Variants in BCAT1 observed in about 807,000 individuals in gnomAD.
BCAT1 encodes the protein branched-chain-amino-acid aminotransferase, cytosolic.
In BCAT1, 48 loss-of-function variants were observed where a neutral mutation model predicts 52.4. That is an observed-to-expected ratio of 0.92 (90% CI 0.73 to 1.16). BCAT1 has a LOEUF of 1.16. Among genes scored for constraint, BCAT1 ranks in the 50% most tolerant of loss-of-function variants. BCAT1 has a pLI of 0.00. For missense variants in BCAT1, 451 were observed against 457.1 expected (o/e 0.99, Z 0.12); for synonymous variants, 167 against 161.3 (o/e 1.04, Z -0.27).
chr12:24,868,277 A>G (rs937713147), intron 5 of BCAT1, among the ~76,000 whole-genome samples: 7 of 152,198 alleles, frequency 4.6e-5, no homozygotes, highest in African/African-American at 1.7e-4. Flanking sequence ...GACATTCTAT[A>G]TTAAATTCAG....
At chr12:24,899,870 A>T (rs1467855179) in intron 2 of BCAT1, among the ~76,000 whole-genome samples, 1 of 151,838 alleles carries the variant, frequency 6.6e-6, no homozygotes, top group Admixed American at 6.6e-5. Context: ...GGAAGAGAGT[A>T]CTCATAGAAT....
At chr12:24,866,041 G>A (rs908828247) in intron 5 of BCAT1, among the ~76,000 whole-genome samples, 6 of 152,246 alleles carry the variant, frequency 3.9e-5, no homozygotes, top group Admixed American at 2.6e-4. Context: ...GCCAAGGCCG[G>A]AGCTGGCTCC....
At position 24,894,457 on chromosome 12, in the gene BCAT1, T is replaced by C; in HGVS notation, c.97A>G (p.Thr33Ala). 6.3e-7 allele frequency: 1 copy of C among 1,594,636 alleles called. No individual in the cohort carries two copies. The highest frequency in any genetic ancestry group is 8.6e-7 in the Non-Finnish European group (1 of 1,169,532). Residue 33 changes from threonine (T) to alanine (A), a missense_variant, in exon 3 of 11, where the codon ACA becomes GCA. Physicochemically the swap from Thr to Ala is moderately conservative, Grantham distance 58 (BLOSUM62 0). Transcript: ENST00000261192. ...GTFKAKDLIV[T>A]PATILKEKPD... ...TTTTCCTTTAAAATGGTAGCTGGTG[T>C]GACTATTAGGTCTTTAGCCTGGGGA...
intron 5 of BCAT1, among the ~76,000 whole-genome samples, chr12:24,868,441 A>G (rs1377713382): frequency 6.6e-6 from 1 of 152,162 alleles, no homozygotes; most frequent in Non-Finnish European, 1.5e-5. Context: ...TATCACCACT[A>G]TTTATATTTT....
intron 5 of BCAT1, among the ~76,000 whole-genome samples, chr12:24,856,172 G>C (rs577544703): frequency 2.0e-5 from 3 of 152,202 alleles, no homozygotes; most frequent in African/African-American, 7.2e-5. Context: ...TTCTTGACCT[G>C]CAAATAAACA....
intron 5 of BCAT1, among the ~76,000 whole-genome samples, chr12:24,876,165 A>C (rs1042696142): frequency 2.6e-5 from 4 of 151,958 alleles, no homozygotes; most frequent in Non-Finnish European, 4.4e-5. Context: ...TATTGTTTTC[A>C]AACATCATAC....
intron 5 of BCAT1, among the ~76,000 whole-genome samples, chr12:24,872,420 A>G (rs149250770): frequency 2.0e-4 from 31 of 152,340 alleles, no homozygotes; most frequent in African/African-American, 7.5e-4. Context: ...ATAATGTAAG[A>G]TTTCCCAGGA....
chr12:24,837,111 GA>G (rs1373697846), intron 7 of BCAT1, among the ~76,000 whole-genome samples: 15 of 98,484 alleles, frequency 1.5e-4, no homozygotes, highest in South Asian at 3.6e-4. Flanking sequence ...AAGGAAGAAA[GA>G]GAAGGAAGGG....
At chr12:24,939,075 T>C (rs1943812169) in intron 1 of BCAT1, among the ~76,000 whole-genome samples, 1 of 152,178 alleles carries the variant, frequency 6.6e-6, no homozygotes, top group Non-Finnish European at 1.5e-5. Flanking sequence ...GGTTTCACCA[T>C]GTTGGTCAGG....
rs141015416 is a variant in BCAT1, at chr12:24,857,770, T to G, written c.511-7821A>C. Among the ~76,000 whole-genome samples the G allele has an allele frequency of 5.6e-3, 852 of 152,348 alleles. 4 individuals carry two copies. The highest frequency in any genetic ancestry group is 0.019 in the African/African-American group (810 of 41,584). On this transcript the variant is annotated intron_variant, in intron 5 of 10. Coordinates refer to ENST00000261192, the MANE Select transcript of BCAT1 (RefSeq NM_005504.7). ...GGCATTGCTCTGATTTGCATTGTGT[T>G]ACCTAATGTTTTTTACTTGTAGGGG...
At chr12:24,940,401 T>C (rs541068081) in intron 1 of BCAT1, among the ~76,000 whole-genome samples, 1 of 152,292 alleles carries the variant, frequency 6.6e-6, no homozygotes, top group South Asian at 2.1e-4. Context: ...GGAGGGAAGG[T>C]GCCAGTTAAC....
chr12:24,905,245 G>T (rs1345005241), intron 1 of BCAT1, among the ~76,000 whole-genome samples: 2 of 152,188 alleles, frequency 1.3e-5, no homozygotes, highest in African/African-American at 4.8e-5. Flanking sequence ...TGTCATACAG[G>T]TATAAAATAA....
rs1442966100 is a variant in BCAT1, at chr12:24,836,967, AAGAAAG to A, written c.818-377_818-372del. On this transcript the variant is annotated intron_variant, in intron 7 of 10. Coordinates refer to ENST00000261192, the MANE Select transcript of BCAT1 (RefSeq NM_005504.7). ...GAAAGAAAGAAAGAAAAGAGAAAGA[AAGAAAG>A]AGAGAGAGGGAGGGAGGGAGGAAGG... Among the ~76,000 whole-genome samples, 2 of 141,930 alleles carry A rather than the reference AAGAAAG, an allele frequency of 1.4e-5. 1 individual carries two copies. 93.1% of individuals were successfully genotyped at this position (141,930 alleles called of 152,430 possible). A position where few individuals can be genotyped will look rare whatever the true frequency, so the allele number is the denominator to read the frequency against.
chr12:24,865,263 CAACA>C (rs1446855685), intron 5 of BCAT1, among the ~76,000 whole-genome samples: 1 of 152,146 alleles, frequency 6.6e-6, no homozygotes, highest in Non-Finnish European at 1.5e-5. Flanking sequence ...CATATCACTC[CAACA>C]AACAAACAAA....
At chr12:24,884,974 C>CTCA (rs1399192419) in intron 3 of BCAT1, among the ~76,000 whole-genome samples, 94 of 138,050 alleles carry the variant, frequency 6.8e-4, no homozygotes, top group African/African-American at 2.4e-3. Flanking sequence ...ATAATAAGCT[C>CTCA]GCAAACGTTA....
chr12:24,911,152 T>G (rs1943319269), intron 1 of BCAT1, among the ~76,000 whole-genome samples: 1 of 152,110 alleles, frequency 6.6e-6, no homozygotes. Context: ...ACATGACACA[T>G]TTCCTTGTTT....
chr12:24,854,954 G>A (rs1941626770), intron 5 of BCAT1, among the ~76,000 whole-genome samples: 1 of 152,090 alleles, frequency 6.6e-6, no homozygotes, highest in Admixed American at 6.6e-5. Context: ...GACACAGCGG[G>A]GATACCTCTT....
rs1566541694 is a variant in BCAT1, at chr12:24,811,666, G to C, written c.*6342C>G. 6.6e-6 allele frequency: 1 copy of C among 152,078 alleles called. No homozygotes were observed. Among genetic ancestry groups the C allele is most frequent in the South Asian group, 2.1e-4 (1 of 4,828 alleles). 9.4% of individuals were successfully genotyped at this position (152,078 alleles called of 1,614,324 possible). On this transcript the variant is annotated 3_prime_UTR_variant, in exon 11 of 11. Coordinates refer to ENST00000261192, the MANE Select transcript of BCAT1 (RefSeq NM_005504.7). ...AATCCTTTTAACATAGCCTGCGGAT[G>C]ATCTTTCACAAAAGCCAAGCCTCAT...
At chr12:24,825,419 G>C (rs928376367) in intron 10 of BCAT1, among the ~76,000 whole-genome samples, 3 of 150,218 alleles carry the variant, frequency 2.0e-5, no homozygotes, top group Middle Eastern at 3.5e-3. Flanking sequence ...AACAATATAT[G>C]ATGGTTCCCT....
Sources: gnomAD v4.1 joint callset for allele counts (sites outside exome capture counted in the v4.1 genomes callset) on GRCh38, gnomAD v4.1.1 for gene constraint, MANE v1.5 for transcripts, NCBI Gene and HGNC (gene_info 2026-07-23, HGNC 2026-07-21) for gene names.